Variants in MAMDC2 observed in about 807,000 individuals in gnomAD.
MAMDC2 encodes the protein MAM domain-containing protein 2.
In MAMDC2, 57 loss-of-function variants were observed where a neutral mutation model predicts 89.8. That is an observed-to-expected ratio of 0.63 (90% confidence interval 0.51 to 0.79). The LOEUF (loss-of-function observed/expected upper bound fraction) is 0.79, where lower values mean the gene tolerates loss of function less well. Ranked by LOEUF, MAMDC2 falls within the 30% of genes least tolerant of loss-of-function variation. The pLI is 0.00. For synonymous variants in MAMDC2, 313 were observed against 293.4 expected (o/e 1.07, Z -0.68); for missense variants, 800 against 820.6 (o/e 0.97, Z 0.31).
chr9:70,102,650 G>T (rs1017508920), intron 2 of MAMDC2, among the ~76,000 whole-genome samples: 13 of 152,200 alleles, frequency 8.5e-5, no homozygotes, highest in African/African-American at 2.9e-4. Context: ...CGTGGAGTCT[G>T]TACTTTTTGG....
chr9:70,110,415 G>C (rs1828476833), intron 4 of MAMDC2, among the ~76,000 whole-genome samples: 2 of 152,198 alleles, frequency 1.3e-5, no homozygotes, highest in Admixed American at 1.3e-4. Context: ...GGGAGGAGGA[G>C]AGGAAATTGG....
At position 70,061,581 on chromosome 9, in the gene MAMDC2, GA is replaced by G. The variant is rs79674145; in HGVS notation, c.148+16888del. Among the ~76,000 whole-genome samples the G allele has an allele frequency of 1.3e-3, 200 of 152,264 alleles. 1 individual carries two copies. In the East Asian group the frequency reaches 0.02, roughly 16 times the overall value. ...AAACCAGGAACTGGACTAAGGTGAGGAAAATGAGGCATTCTCCTTGGGTGCA... is the reference window on the plus strand; with the variant it reads ...AAACCAGGAACTGGACTAAGGTGAGGAAATGAGGCATTCTCCTTGGGTGCA... On this transcript the variant is annotated intron_variant, in intron 2 of 13. Transcript: ENST00000377182.
rs1325545766 is a variant in MAMDC2, at chr9:70,148,985, C to T, written c.1404+5166C>T. On this transcript the variant is annotated intron_variant, in intron 9 of 13. Transcript: ENST00000377182. ...TGGAGCTTGCAGTGAGCCGAGATTG[C>T]GCCACTGCACTCCAGCCTGGGCAAC... 9.1e-5 allele frequency among the ~76,000 whole-genome samples: 13 copies of T among 142,950 alleles called. 1 individual carries two copies. The highest frequency in any genetic ancestry group is 4.1e-4 in the East Asian group (2 of 4,910). The allele number at this position is 142,950 out of a possible 152,430, so 93.8% of individuals were successfully genotyped here.
At chr9:70,221,407 A>AGAGAGAGAGAGAGAGAGAGAGAGAGAGG (rs1491076799) in intron 12 of MAMDC2, among the ~76,000 whole-genome samples, 8 of 119,940 alleles carry the variant, frequency 6.7e-5, no homozygotes, top group African/African-American at 2.5e-4. Flanking sequence ...AGAGAGAGAG[A>AGAGAGAGAGAGAGAGAGAGAGAGAGAGG]GTAACATCAG....
chr9:70,126,118 C>T, intron 5 of MAMDC2, 41 bp from the exon 6 acceptor site: 1 of 1,559,320 alleles, frequency 6.4e-7, no homozygotes, highest in East Asian at 2.3e-5. Flanking sequence ...CCTCCCCCAC[C>T]CCCAACTCTT....
intron 11 of MAMDC2, among the ~76,000 whole-genome samples, chr9:70,211,747 A>G (rs932797977): frequency 9.9e-5 from 15 of 152,128 alleles, no homozygotes; most frequent in Admixed American, 9.2e-4. Flanking sequence ...GTTTCTCCCT[A>G]TCTTTGTGGT....
At chr9:70,087,325 C>T (rs991132013) in intron 2 of MAMDC2, 7 of 152,142 alleles carry the variant, frequency 4.6e-5, no homozygotes, top group African/African-American at 1.7e-4. Context: ...GCTTCAAGGG[C>T]ATGTAGGGGC....
chr9:70,077,577 A>G (rs1187003853), intron 2 of MAMDC2, among the ~76,000 whole-genome samples: 1 of 152,234 alleles, frequency 6.6e-6, no homozygotes, highest in Non-Finnish European at 1.5e-5. Flanking sequence ...ACATTTAGAC[A>G]GCATGGCTCC....
At chr9:70,081,210 AG>A (rs1827646126) in intron 2 of MAMDC2, among the ~76,000 whole-genome samples, 1 of 152,114 alleles carries the variant, frequency 6.6e-6, no homozygotes, top group South Asian at 2.1e-4. Context: ...GGGAGTAGGC[AG>A]GGAAGAGGAA....
intron 9 of MAMDC2, among the ~76,000 whole-genome samples, chr9:70,160,168 C>T (rs1318650239): frequency 6.6e-5 from 10 of 152,048 alleles, no homozygotes; most frequent in Admixed American, 2.0e-4. Context: ...GCCGTGATTG[C>T]GCTACTGCAC....
chr9:70,122,616 A>G (rs2030335437), intron 5 of MAMDC2, among the ~76,000 whole-genome samples: 1 of 152,190 alleles, frequency 6.6e-6, no homozygotes, highest in Non-Finnish European at 1.5e-5. Flanking sequence ...CCTAGGAGCC[A>G]TGGCATTTTT....
chr9:70,045,209 T>C (rs1826718495), intron 2 of MAMDC2, among the ~76,000 whole-genome samples: 1 of 152,170 alleles, frequency 6.6e-6, no homozygotes, highest in African/African-American at 2.4e-5. Context: ...CATGATTTCA[T>C]CCTCACACTC....
At chr9:70,122,951 G>T (rs1269186471) in intron 5 of MAMDC2, among the ~76,000 whole-genome samples, 1 of 152,062 alleles carries the variant, frequency 6.6e-6, no homozygotes, top group African/African-American at 2.4e-5. Context: ...GTCACTGCCT[G>T]GGAGCAGCCC....
At chr9:70,064,338 G>T (rs1827215974) in intron 2 of MAMDC2, among the ~76,000 whole-genome samples, 1 of 152,048 alleles carries the variant, frequency 6.6e-6, no homozygotes, top group African/African-American at 2.4e-5. Flanking sequence ...AGTCCCCAAA[G>T]TCCATTGTAT....
At chr9:70,213,415 T>C (rs771608772) in intron 11 of MAMDC2, among the ~76,000 whole-genome samples, 1 of 152,182 alleles carries the variant, frequency 6.6e-6, no homozygotes, top group Non-Finnish European at 1.5e-5. Context: ...TAAAAATTAC[T>C]TTTGGGATGA....
At chr9:70,219,377 A>T (rs980106720) in intron 12 of MAMDC2, among the ~76,000 whole-genome samples, 1 of 152,210 alleles carries the variant, frequency 6.6e-6, no homozygotes, top group Non-Finnish European at 1.5e-5. Flanking sequence ...TAGAATTCTC[A>T]AGTGTGACCT....
chr9:70,097,489 A>T (rs1344810574), intron 2 of MAMDC2, among the ~76,000 whole-genome samples: 1 of 152,164 alleles, frequency 6.6e-6, no homozygotes, highest in African/African-American at 2.4e-5. Context: ...GATAGCTTGG[A>T]AGTTTGTACG....
chr9:70,142,163 A>G (rs1398791042), intron 8 of MAMDC2, among the ~76,000 whole-genome samples: 2 of 152,182 alleles, frequency 1.3e-5, no homozygotes, highest in African/African-American at 4.8e-5. Context: ...ATTTGGGTTC[A>G]GGATTCAGGG....
rs868678400 is a variant in MAMDC2 at position 70,203,574 on chromosome 9, C to T, written c.1652-14763C>T. Among the ~76,000 whole-genome samples the T allele has an allele frequency of 6.1e-3, 528 of 86,374 alleles. 19 individuals are homozygous for T. The highest frequency in any genetic ancestry group is 0.018 in the African/African-American group (492 of 27,326). 56.7% of individuals were successfully genotyped at this position (86,374 alleles called of 152,430 possible). ...TCGAGGAGTATCTTTGTGGCATTCTCTGTATTTCCTGAATCTGAACGTTGG... is the reference window on the plus strand; with the variant it reads ...TCGAGGAGTATCTTTGTGGCATTCTTTGTATTTCCTGAATCTGAACGTTGG... On this transcript the variant is annotated intron_variant, in intron 11 of 13. Transcript: ENST00000377182.
Sources: gnomAD v4.1 joint callset for allele counts (sites outside exome capture counted in the v4.1 genomes callset) on GRCh38, gnomAD v4.1.1 for gene constraint, MANE v1.5 for transcripts, NCBI Gene and HGNC (gene_info 2026-07-23, HGNC 2026-07-21) for gene names.